The following DOCK9 variants were observed in gnomAD, a reference collection of about 807,000 sequenced individuals.
DOCK9 encodes the protein dedicator of cytokinesis 9.
DOCK9 carries 89 observed loss-of-function variants against 263.3 expected under a neutral mutation model. The observed-to-expected ratio is 0.34, with a 90% CI of 0.28 to 0.40. DOCK9 has a LOEUF of 0.40. Ranked by LOEUF, DOCK9 falls within the 10% of genes least tolerant of loss-of-function variation. DOCK9 has a pLI of 1.00. For synonymous variants in DOCK9, 976 were observed against 973.1 expected (o/e 1.00, Z -0.06); for missense variants, 2,140 against 2,603.4 (o/e 0.82, Z 3.87).
chr13:98,999,316 A>ACTCT (rs903855891), intron 1 of DOCK9, among the ~76,000 whole-genome samples: 9 of 138,362 alleles, frequency 6.5e-5, no homozygotes, highest in East Asian at 2.1e-4. Flanking sequence ...ACACACACAC[A>ACTCT]CTCTCTCTCT....
chr13:98,797,119 T>C lies in DOCK9; in HGVS notation c.6152A>G (p.Glu2051Gly), dbSNP rs776423335. The change falls in exon 52 of 53, where the codon GAG becomes GGG. Residue 2051 changes from glutamate to glycine, a missense_variant. Transcript: ENST00000682017. ...MAKELSEIMH[E>G]QICPLEEKTS... ...TGGAGCCAGTGCGGCCCTCACCTGC[T>C]CATGCATGATTTCAGAAAGCTCCTT... 3.1e-6 allele frequency: 5 copies of C among 1,614,006 alleles called. No individual in the cohort carries two copies. Among genetic ancestry groups the C allele is most frequent in the East Asian group, 4.5e-5 (2 of 44,886 alleles).
intron 1 of DOCK9, among the ~76,000 whole-genome samples, chr13:98,964,953 G>C (rs2059048194): frequency 6.6e-6 from 1 of 152,202 alleles, no homozygotes; most frequent in Admixed American, 6.5e-5. Context: ...CTCCTCACAA[G>C]AGCCCCCTGC....
At chr13:98,837,374 G>C (rs2093043721) in intron 39 of DOCK9, 120 bp downstream of exon 39, 3 of 666,378 alleles carry the variant, frequency 4.5e-6, no homozygotes, top group Non-Finnish European at 7.9e-6. Context: ...TTTCCTTACA[G>C]GGACAAAAAT....
chr13:98,945,981 G>C (rs951953138), intron 2 of DOCK9, among the ~76,000 whole-genome samples: 1 of 152,130 alleles, frequency 6.6e-6, no homozygotes, highest in Non-Finnish European at 1.5e-5. Flanking sequence ...GTTTGCAGGG[G>C]GCAAGAGATA....
At chr13:99,029,557 T>C (rs1271989722) in intron 1 of DOCK9, among the ~76,000 whole-genome samples, 1 of 152,212 alleles carries the variant, frequency 6.6e-6, no homozygotes, top group African/African-American at 2.4e-5. Flanking sequence ...GATATGAAAA[T>C]GGCCATGAGC....
At chr13:99,064,290 T>A (rs1242820689) in intron 1 of DOCK9, among the ~76,000 whole-genome samples, 2 of 152,204 alleles carry the variant, frequency 1.3e-5, no homozygotes, top group Non-Finnish European at 2.9e-5. Context: ...AAAGAAAGAC[T>A]TATCATTATA....
At chr13:98,923,483 G>A (rs2052414446) in intron 4 of DOCK9, 112 bp from the exon 5 acceptor site, 4 of 847,502 alleles carry the variant, frequency 4.7e-6, no homozygotes, top group South Asian at 2.9e-5. Flanking sequence ...AGATGGCCCA[G>A]CTTCTTTATT....
At chr13:98,835,502 T>C (rs968531358) in intron 39 of DOCK9, among the ~76,000 whole-genome samples, 3 of 152,040 alleles carry the variant, frequency 2.0e-5, no homozygotes, top group African/African-American at 7.3e-5. Flanking sequence ...ATTTTTTGCA[T>C]GCAGGCATAT....
intron 1 of DOCK9, among the ~76,000 whole-genome samples, chr13:98,969,066 A>C (rs2059473223): frequency 6.6e-6 from 1 of 152,202 alleles, no homozygotes; most frequent in Non-Finnish European, 1.5e-5. Context: ...CAGGAAGAAG[A>C]GGTACTGATA....
In DOCK9 at chr13:98,916,589, C is replaced by A. The variant is rs1490440827; in HGVS notation, c.718-1086G>T. ...GTTCTTAGAAATGCAAAGTCAAGTG[C>A]TCCCCTTGGCAAAGCCACACACTCT... On this transcript the variant is annotated intron_variant, in intron 7 of 52. Coordinates refer to ENST00000682017, the MANE Select transcript of DOCK9 (RefSeq NM_001366683.2). Among the ~76,000 whole-genome samples the A allele has an allele frequency of 9.2e-5, 14 of 152,198 alleles. 1 individual carries two copies. Among genetic ancestry groups the A allele is most frequent in the Admixed American group, 9.2e-4 (14 of 15,284 alleles).
chr13:99,024,832 TA>T (rs1886530841), intron 1 of DOCK9, among the ~76,000 whole-genome samples: 1 of 152,236 alleles, frequency 6.6e-6, no homozygotes, highest in African/African-American at 2.4e-5. Flanking sequence ...AAAATAGTCC[TA>T]TTTTTTTTAA....
At chr13:98,999,290 G>A (rs7992442) in intron 1 of DOCK9, among the ~76,000 whole-genome samples, 52,504 of 144,482 alleles carry the variant, frequency 0.36, 9,973 homozygotes, top group South Asian at 0.47. Flanking sequence ...GCATGCACGC[G>A]CACACACACA....
chr13:98,963,243 C>T (rs2058853516), intron 1 of DOCK9, among the ~76,000 whole-genome samples: 1 of 152,110 alleles, frequency 6.6e-6, no homozygotes, highest in Non-Finnish European at 1.5e-5. Context: ...TCTCTTGGAA[C>T]TCCCTCCCTC....
At chr13:98,937,512 A>G (rs1460281122) in intron 2 of DOCK9, among the ~76,000 whole-genome samples, 1 of 152,222 alleles carries the variant, frequency 6.6e-6, no homozygotes, top group African/African-American at 2.4e-5. Flanking sequence ...CTTAGGTTAA[A>G]CACGTAGCCT....
chr13:99,064,901 T>C (rs1387582871), intron 1 of DOCK9, among the ~76,000 whole-genome samples: 2 of 152,208 alleles, frequency 1.3e-5, no homozygotes, highest in East Asian at 1.9e-4. Flanking sequence ...GCTAATCCAT[T>C]CCTCTGCTGG....
intron 1 of DOCK9, among the ~76,000 whole-genome samples, chr13:99,043,744 T>A (rs1888694924): frequency 6.6e-6 from 1 of 152,128 alleles, no homozygotes; most frequent in Non-Finnish European, 1.5e-5. Context: ...GAGAACTTAC[T>A]CCTTTACCCT....
intron 9 of DOCK9, among the ~76,000 whole-genome samples, chr13:98,910,694 C>T (rs1190083602): frequency 6.6e-6 from 1 of 152,176 alleles, no homozygotes; most frequent in Non-Finnish European, 1.5e-5. Flanking sequence ...CATGAAATTA[C>T]ACCTTCAGCC....
At chr13:98,832,555 T>G (rs934108474) in intron 39 of DOCK9, among the ~76,000 whole-genome samples, 1 of 152,214 alleles carries the variant, frequency 6.6e-6, no homozygotes, top group Non-Finnish European at 1.5e-5. Context: ...GATTTCCTCA[T>G]GTCAGTAGAA....
intron 32 of DOCK9, 99 bp downstream of exon 32, chr13:98,862,920 A>G: frequency 9.9e-7 from 1 of 1,012,780 alleles, no homozygotes; most frequent in Non-Finnish European, 1.5e-6. Context: ...CTGGGAGAGA[A>G]TAAACTGCTG....
Sources: gnomAD v4.1 joint callset for allele counts (sites outside exome capture counted in the v4.1 genomes callset) on GRCh38, gnomAD v4.1.1 for gene constraint, MANE v1.5 for transcripts, NCBI Gene and HGNC (gene_info 2026-07-23, HGNC 2026-07-21) for gene names.